SLC26A4: variants seen among roughly 807,000 people sequenced by gnomAD.
SLC26A4 encodes the protein pendrin.
Under a neutral mutation model 90.4 loss-of-function variants are expected in SLC26A4, and 93 were observed. The observed-to-expected ratio is 1.03, with a 90% CI of 0.87 to 1.22. The LOEUF is 1.22. SLC26A4 is among the 50% of genes most tolerant of loss of function. The pLI is 0.00. For missense variants in SLC26A4, 1,127 were observed against 946.2 expected (o/e 1.19, Z -2.51); for synonymous variants, 393 against 354.6 (o/e 1.11, Z -1.22).
Position 107,661,672 on chromosome 7 carries a change from C to T in SLC26A4, c.31C>T (p.Pro11Ser), listed in dbSNP as rs1249173005. The change falls in exon 2 of 21, where the codon CCG becomes TCG. Residue 11 changes from proline (P) to serine (S), a missense_variant. Transcript: ENST00000644269. The surrounding 1 kb of genome is among the most constrained non-coding windows in gnomAD (Gnocchi z 5.1). ...AGCGCCAGGCGGCAGGTCGGAGCCGCCGCAGCTCCCCGAGTACAGCTGCAG... is the reference window on the plus strand; with the variant it reads ...AGCGCCAGGCGGCAGGTCGGAGCCGTCGCAGCTCCCCGAGTACAGCTGCAG... MAAPGGRSEP[P>S]QLPEYSCSYM... The T allele has an allele frequency of 6.4e-7, 1 of 1,570,284 alleles. No homozygotes were observed. Among genetic ancestry groups the T allele is most frequent in the Non-Finnish European group, 8.6e-7 (1 of 1,163,036 alleles).
At chr7:107,704,724 G>A (rs541495114) in intron 18 of SLC26A4, among the ~76,000 whole-genome samples, 1 of 152,302 alleles carries the variant, frequency 6.6e-6, no homozygotes, top group African/African-American at 2.4e-5. Context: ...GTTAACATGA[G>A]GTCATGTCAG....
At chr7:107,715,066 T>TAAAAAAAAAA (rs543905042) in intron 20 of SLC26A4, among the ~76,000 whole-genome samples, 2 of 98,674 alleles carry the variant, frequency 2.0e-5, no homozygotes, top group African/African-American at 3.5e-5. Flanking sequence ...CCATCTCTAC[T>TAAAAAAAAAA]AAAAAAAAAA....
intron 5 of SLC26A4, 71 bp downstream of exon 5, chr7:107,674,419 T>G: frequency 8.5e-7 from 1 of 1,174,298 alleles, no homozygotes; most frequent in Non-Finnish European, 1.3e-6. Context: ...GCATATAGAC[T>G]TAAAGATTCT....
At chr7:107,673,067 T>C (rs1790918409) in intron 4 of SLC26A4, among the ~76,000 whole-genome samples, 1 of 152,208 alleles carries the variant, frequency 6.6e-6, no homozygotes, top group Admixed American at 6.5e-5. Flanking sequence ...TTGAAAGAAC[T>C]TCCACACCTT....
chr7:107,691,520 C>T lies in SLC26A4; in HGVS notation c.1263+1283C>T, dbSNP rs1030676353. Among the ~76,000 whole-genome samples, 9 of 86,100 alleles carry T rather than the reference C, an allele frequency of 1.0e-4. No individual in the cohort carries two copies. The South Asian group carries it at 1.6e-3, about 15-fold the overall frequency. The allele number at this position is 86,100 out of a possible 152,430, so 56.5% of individuals were successfully genotyped here. On this transcript the variant is annotated intron_variant, in intron 10 of 20. Transcript: ENST00000644269. ...TCTGTGTCAAATATATATATACACA[C>T]ACACACACACACACACACACACACA...
intron 3 of SLC26A4, among the ~76,000 whole-genome samples, chr7:107,665,476 G>A (rs1244616947): frequency 6.6e-6 from 1 of 152,172 alleles, no homozygotes; most frequent in Non-Finnish European, 1.5e-5. Flanking sequence ...GACACCCTGT[G>A]ACTCCTGGGG....
At chr7:107,686,709 A>G (rs2129315358) in intron 8 of SLC26A4, among the ~76,000 whole-genome samples, 1 of 152,004 alleles carries the variant, frequency 6.6e-6, no homozygotes, top group African/African-American at 2.4e-5. Context: ...CAAACTCCTG[A>G]CCTCAGGCGA....
chr7:107,675,244 T>C (rs1340567807), intron 6 of SLC26A4, 135 bp downstream of exon 6: 3 of 760,878 alleles, frequency 3.9e-6, no homozygotes, highest in Admixed American at 3.7e-5. Flanking sequence ...GGTGGGCAGA[T>C]TGCTTGAGCC....
Position 107,701,208 on chromosome 7 carries a change from T to TCTCAC in SLC26A4, c.1803+14_1803+15insCACCT. The TCTCAC allele has an allele frequency of 6.7e-7, 1 of 1,487,948 alleles. No homozygotes were observed. The highest frequency in any genetic ancestry group is 9.4e-7 in the Non-Finnish European group (1 of 1,065,124). 92.2% of individuals were successfully genotyped at this position (1,487,948 alleles called of 1,614,324 possible). On this transcript the variant is annotated intron_variant, in intron 16 of 20. Coordinates refer to ENST00000644269, the MANE Select transcript of SLC26A4 (RefSeq NM_000441.2). ...TAAGAGCAACAAAGGTGAGATGACA[T>TCTCAC]CTTTCTTTTCCCCCTTAAATTATTT...
Position 107,661,728 on chromosome 7 carries a change from G to A in SLC26A4, c.87G>A (p.Glu29=). Residue 29 remains glutamate (E), a synonymous_variant, in exon 2 of 21, where the codon GAG becomes GAA. Transcript: ENST00000644269. This position sits in a 1 kb window ranked among gnomAD's most constrained non-coding sequence, Gnocchi z 5.1. ...SYMVSRPVYS[E]LAFQQQHERR... Reference sequence around the variant, plus strand: ...TGGTGTCGCGGCCGGTCTACAGCGAGCTCGCTTTCCAGCAACAGCACGAGC... The same window carrying A: ...TGGTGTCGCGGCCGGTCTACAGCGAACTCGCTTTCCAGCAACAGCACGAGC... 1 of 1,557,232 alleles carries A rather than the reference G, an allele frequency of 6.4e-7. No homozygotes were observed. The highest frequency in any genetic ancestry group is 8.7e-7 in the Non-Finnish European group (1 of 1,154,602).
Position 107,715,864 on chromosome 7 carries a change from C to A in SLC26A4, c.*418C>A. ...GATATCCATGAGCTGCACTGATCAC[C>A]ATGTAAGGTCACATTTAGTAAATGC... On this transcript the variant is annotated 3_prime_UTR_variant, in exon 21 of 21. Transcript: ENST00000644269. 5.6e-6 allele frequency: 1 copy of A among 177,298 alleles called. No homozygotes were observed. The highest frequency in any genetic ancestry group is 1.6e-4 in the South Asian group (1 of 6,076). The allele number at this position is 177,298 out of a possible 1,614,324, so 11.0% of individuals were successfully genotyped here. A position where few individuals can be genotyped will look rare whatever the true frequency, so the allele number is the denominator to read the frequency against.
chr7:107,708,009 A>T (rs1342923737), intron 18 of SLC26A4, among the ~76,000 whole-genome samples: 1 of 152,224 alleles, frequency 6.6e-6, no homozygotes, highest in Non-Finnish European at 1.5e-5. Flanking sequence ...ATATTGATGA[A>T]ACATGAAATC....
chr7:107,683,045 T>C (rs1791288579), intron 6 of SLC26A4, among the ~76,000 whole-genome samples, 157 bp from the exon 7 acceptor site: 1 of 152,204 alleles, frequency 6.6e-6, no homozygotes, highest in African/African-American at 2.4e-5. Flanking sequence ...AACACATTTT[T>C]ATCATTTTAC....
At chr7:107,670,899 T>C (rs191313391) in intron 3 of SLC26A4, among the ~76,000 whole-genome samples, 6 of 152,286 alleles carry the variant, frequency 3.9e-5, no homozygotes, top group East Asian at 3.9e-4. Flanking sequence ...GATTTCTCTA[T>C]AGCCAGGCAT....
chr7:107,686,303 C>CCCTTTCCTCCCTTTCCTA (rs1791402078), intron 8 of SLC26A4, among the ~76,000 whole-genome samples: 2 of 35,628 alleles, frequency 5.6e-5, no homozygotes, highest in African/African-American at 2.0e-4. Flanking sequence ...TACCTTCCCT[C>CCCTTTCCTCCCTTTCCTA]CCTTCCCTCC....
At chr7:107,677,708 C>A (rs1241087224) in intron 6 of SLC26A4, among the ~76,000 whole-genome samples, 1 of 151,470 alleles carries the variant, frequency 6.6e-6, no homozygotes, top group Admixed American at 6.6e-5. Context: ...CTGTGTCAAG[C>A]GATTCTTCCC....
rs553757901 is a variant in SLC26A4 at position 107,696,682 on chromosome 7, G to A, written c.1544+643G>A. On this transcript the variant is annotated intron_variant, in intron 13 of 20. Transcript: ENST00000644269. ...CAATTAGCTCATATGCAGAGTGAAG[G>A]CAGCAAAGACATGATTTAAATAATG... Among the ~76,000 whole-genome samples, 7 of 152,298 alleles carry A rather than the reference G, an allele frequency of 4.6e-5. No individual in the cohort carries two copies. The South Asian group carries it at 1.2e-3, about 27-fold the overall frequency.
chr7:107,699,699 CG>C, intron 14 of SLC26A4, among the ~76,000 whole-genome samples: 1 of 152,104 alleles, frequency 6.6e-6, no homozygotes, highest in African/African-American at 2.4e-5. Context: ...GAGGCTGAGG[CG>C]GGTGAATCAC....
At chr7:107,708,587 C>T (rs562428471) in intron 18 of SLC26A4, among the ~76,000 whole-genome samples, 13 of 152,148 alleles carry the variant, frequency 8.5e-5, no homozygotes, top group Non-Finnish European at 1.6e-4. Context: ...GTCATGGCGG[C>T]TCACATCTGT....
Sources: allele counts gnomAD v4.1 joint callset (sites outside exome capture counted in the v4.1 genomes callset), GRCh38; gene constraint gnomAD v4.1.1; non-coding constraint Gnocchi (gnomAD v3.1); transcripts MANE v1.5; gene names NCBI Gene and HGNC (gene_info 2026-07-23, HGNC 2026-07-21).